The following PLCG2 variants were observed in gnomAD, a reference collection of about 807,000 sequenced individuals.
The protein encoded by PLCG2 is 1-phosphatidylinositol 4,5-bisphosphate phosphodiesterase gamma-2.
PLCG2 carries 69 observed loss-of-function variants against 175.6 expected under a neutral mutation model. The observed-to-expected ratio is 0.39, with a 90% CI of 0.32 to 0.48. The LOEUF (loss-of-function observed/expected upper bound fraction) is 0.48. Ranked by LOEUF, PLCG2 falls within the 20% of genes least tolerant of loss-of-function variation. The probability of loss-of-function intolerance (pLI) is 0.91; values close to 1 mark genes in which losing one functional copy is unlikely to be tolerated. For synonymous variants in PLCG2, 827 were observed against 624.0 expected, an observed-to-expected ratio of 1.33 and a Z score of -4.85; for missense variants, 1,798 against 1,650.9, an observed-to-expected ratio of 1.09 and a Z score of -1.54.
intron 2 of PLCG2, chr16:81,767,761 A>G (rs929590026): frequency 2.0e-5 from 3 of 152,040 alleles, no homozygotes; most frequent in African/African-American, 7.2e-5. Flanking sequence ...TTTGTATCCA[A>G]CACTTCTTCC....
chr16:81,903,585 T>C (rs1909241516), intron 14 of PLCG2, among the ~76,000 whole-genome samples: 1 of 152,202 alleles, frequency 6.6e-6, no homozygotes, highest in East Asian at 1.9e-4. Flanking sequence ...CAGCACTGTT[T>C]GCACCCAGGC....
intron 5 of PLCG2, among the ~76,000 whole-genome samples, chr16:81,861,029 G>A (rs1686841625): frequency 6.6e-6 from 1 of 151,778 alleles, no homozygotes; most frequent in African/African-American, 2.4e-5. Flanking sequence ...AACCCACCAC[G>A]ACAAGAAAAA....
chr16:81,781,199 C>T (rs186964112), intron 1 of PLCG2, among the ~76,000 whole-genome samples: 159 of 152,268 alleles, frequency 1.0e-3, no homozygotes, highest in African/African-American at 3.8e-3. Context: ...CCTGGATTTA[C>T]CAGAAGATCA....
Position 81,932,930 on chromosome 16 carries a change from G to A in PLCG2, c.2739+1276G>A, listed in dbSNP as rs373814471. On this transcript the variant is annotated intron_variant, in intron 25 of 32. Transcript: ENST00000564138. ...TCTTCTGCCCTCCAGTGTCTCTGAT[G>A]CCACAGTACAGCTCTGAGGCACAGG... Among the ~76,000 whole-genome samples the A allele has an allele frequency of 2.2e-4, 33 of 152,342 alleles. No individual in the cohort carries two copies. In the East Asian group the frequency reaches 5.0e-3, roughly 23 times the overall value.
intron 2 of PLCG2, among the ~76,000 whole-genome samples, chr16:81,823,680 C>T (rs1334358789): frequency 6.9e-6 from 1 of 145,762 alleles, no homozygotes; most frequent in Non-Finnish European, 1.5e-5. Context: ...TGTGCACCAC[C>T]ATGCCCAGCT....
chr16:81,958,992 G>A lies in PLCG2; in HGVS notation c.*994G>A, dbSNP rs1213864565. 25 of 223,724 alleles carry A rather than the reference G, an allele frequency of 1.1e-4. No homozygotes were observed. The East Asian group carries it at 1.6e-3, about 14-fold the overall frequency. 13.9% of individuals were successfully genotyped at this position (223,724 alleles called of 1,614,324 possible). A position where few individuals can be genotyped will look rare whatever the true frequency, so the allele number is the denominator to read the frequency against. On this transcript the variant is annotated 3_prime_UTR_variant, in exon 33 of 33. Transcript: ENST00000564138. ...AATTTCAAATGCAGCCATCTCCCTT[G>A]GGGCAGATCTACCTAGTTCATGACA... is the stretch of plus-strand genomic sequence containing the variant.
intron 6 of PLCG2, among the ~76,000 whole-genome samples, chr16:81,870,171 A>G (rs1185185658): frequency 6.6e-6 from 1 of 152,214 alleles, no homozygotes; most frequent in East Asian, 1.9e-4. Flanking sequence ...TGGGAGAAGC[A>G]TTTACCATTG....
intron 19 of PLCG2, among the ~76,000 whole-genome samples, chr16:81,916,040 GC>G (rs1405974261): frequency 1.3e-5 from 2 of 152,072 alleles, no homozygotes; most frequent in African/African-American, 4.8e-5. Flanking sequence ...AATATATGGT[GC>G]CATTTTGTGT....
chr16:81,938,586 G>A (rs564266837), intron 28 of PLCG2: 2 of 565,084 alleles, frequency 3.5e-6, no homozygotes, highest in Non-Finnish European at 6.3e-6. Context: ...TGGCATATGG[G>A]GCCGAGACCC....
At chr16:81,903,765 T>G (rs1567525030) in intron 14 of PLCG2, among the ~76,000 whole-genome samples, 2 of 152,140 alleles carry the variant, frequency 1.3e-5, no homozygotes, top group South Asian at 4.1e-4. Context: ...TCCTTCTGTT[T>G]CCATTAGGAT....
intron 2 of PLCG2, among the ~76,000 whole-genome samples, chr16:81,789,327 G>C (rs1022153085): frequency 2.1e-4 from 32 of 152,216 alleles, no homozygotes; most frequent in African/African-American, 7.5e-4. Flanking sequence ...GTCTTGCTCT[G>C]TTGCCCAGGC....
At chr16:81,823,882 C>T (rs1297646328) in intron 2 of PLCG2, among the ~76,000 whole-genome samples, 2 of 148,376 alleles carry the variant, frequency 1.3e-5, no homozygotes, top group Admixed American at 6.8e-5. Flanking sequence ...TTTTTTCTTC[C>T]TTCTTTTCTT....
chr16:81,940,698 G>A (rs1424464991), intron 30 of PLCG2, among the ~76,000 whole-genome samples: 1 of 148,384 alleles, frequency 6.7e-6, no homozygotes, highest in Non-Finnish European at 1.5e-5. Context: ...AGATGACTGA[G>A]CCCTTCCTAC....
chr16:81,870,902 C>A lies in PLCG2; in HGVS notation c.615C>A (p.Phe205Leu). The A allele has an allele frequency of 6.2e-7, 1 of 1,600,106 alleles. No individual in the cohort carries two copies. The highest frequency in any genetic ancestry group is 8.5e-7 in the Non-Finnish European group (1 of 1,171,650). ...TCAGCTTTGAACAGTTCCATCTCTT[C>A]TATAAAAAACTTATGTTTGAACAGC... is the stretch of plus-strand genomic sequence containing the variant. ...DELSFEQFHL[F>L]YKKLMFEQQK... The change falls in exon 7 of 33, where the codon TTC becomes TTA. Residue 205 changes from phenylalanine to leucine, a missense_variant. By Grantham distance (22) the Phe-to-Leu change is conservative (BLOSUM62 0). Coordinates refer to ENST00000564138, the MANE Select transcript of PLCG2 (RefSeq NM_002661.5).
rs150184544 is a variant in PLCG2, at chr16:81,932,863, A to G, written c.2739+1209A>G. Reference sequence around the variant, plus strand: ...CATGGGGGAGGAACCATGAGCTTGTAGCCAGCTGCGCTGTCCTTCTGGCTT... The same window carrying G: ...CATGGGGGAGGAACCATGAGCTTGTGGCCAGCTGCGCTGTCCTTCTGGCTT... On this transcript the variant is annotated intron_variant, in intron 25 of 32. Transcript: ENST00000564138. Among the ~76,000 whole-genome samples, 67 of 152,352 alleles carry G rather than the reference A, an allele frequency of 4.4e-4. No homozygotes were observed. In the East Asian group the frequency reaches 0.012, roughly 28 times the overall value.
intron 2 of PLCG2, among the ~76,000 whole-genome samples, chr16:81,808,872 C>A (rs1279657812): frequency 6.6e-6 from 1 of 152,154 alleles, no homozygotes; most frequent in Non-Finnish European, 1.5e-5. Flanking sequence ...TGGGGCTTAT[C>A]AGAGCATGCT....
chr16:81,779,791 C>T lies in PLCG2; in HGVS notation c.-48+367C>T, dbSNP rs1229417017. On this transcript the variant is annotated intron_variant, in intron 1 of 32. Transcript: ENST00000564138. ...CGTGGGGTGGCGCCGTCTCTCTTGA[C>T]GGCCCTTGTGCCCAGAGCTCGCGGA... Among the ~76,000 whole-genome samples, 6 of 152,184 alleles carry T rather than the reference C, an allele frequency of 3.9e-5. No homozygotes were observed. The South Asian group carries it at 1.0e-3, about 26-fold the overall frequency.
chr16:81,929,015 T>C (rs552824329), intron 24 of PLCG2, among the ~76,000 whole-genome samples: 8 of 152,370 alleles, frequency 5.3e-5, no homozygotes, highest in Admixed American at 3.3e-4. Context: ...TCTGCCTCTC[T>C]GTCGCTGTGA....
intron 2 of PLCG2, among the ~76,000 whole-genome samples, chr16:81,832,759 G>T (rs966315416): frequency 6.6e-6 from 1 of 152,216 alleles, no homozygotes; most frequent in Non-Finnish European, 1.5e-5. Context: ...AGTTGACTGC[G>T]TGAGGATCAG....
Sources: gnomAD v4.1 joint callset for allele counts (sites outside exome capture counted in the v4.1 genomes callset) on GRCh38, gnomAD v4.1.1 for gene constraint, MANE v1.5 for transcripts, NCBI Gene and HGNC (gene_info 2026-07-23, HGNC 2026-07-21) for gene names.